The following N4BP1 variants were observed in gnomAD, a reference collection of about 807,000 sequenced individuals.
N4BP1 encodes the protein NEDD4 binding protein 1.
In N4BP1, 21 loss-of-function variants were observed where a neutral mutation model predicts 70.9. The ratio of observed to expected loss-of-function variants is 0.30; its 90% CI spans 0.21 to 0.43. The LOEUF (loss-of-function observed/expected upper bound fraction) is 0.43, where lower values mean the gene tolerates loss of function less well. Ranked by LOEUF, N4BP1 falls within the 20% of genes least tolerant of loss-of-function variation. The pLI is 1.00. For synonymous variants in N4BP1, 387 were observed against 394.6 expected, an observed-to-expected ratio of 0.98 and a Z score of 0.23; for missense variants, 936 against 1,069.4, an observed-to-expected ratio of 0.88 and a Z score of 1.74.
intron 1 of N4BP1, among the ~76,000 whole-genome samples, chr16:48,563,081 G>C (rs538850739): frequency 6.6e-6 from 1 of 152,082 alleles, no homozygotes; most frequent in East Asian, 1.9e-4. Context: ...AGATCTAACA[G>C]AACAAGTGAA....
chr16:48,592,288 T>C, intron 1 of N4BP1, among the ~76,000 whole-genome samples: 1 of 152,196 alleles, frequency 6.6e-6, no homozygotes, highest in African/African-American at 2.4e-5. Flanking sequence ...GGCAATTAAA[T>C]GCATGGTAAA....
rs1963516848 is a variant in N4BP1 at position 48,542,485 on chromosome 16, G to C, written c.*419C>G. 1 of 153,942 alleles carries C rather than the reference G, an allele frequency of 6.5e-6. No homozygotes were observed. Among genetic ancestry groups the C allele is most frequent in the South Asian group, 2.1e-4 (1 of 4,866 alleles). 9.5% of individuals were successfully genotyped at this position (153,942 alleles called of 1,614,324 possible). On this transcript the variant is annotated 3_prime_UTR_variant, in exon 7 of 7. Coordinates refer to ENST00000262384, the MANE Select transcript of N4BP1 (RefSeq NM_153029.4). ...TAGTGATGGGACATACTCATCTCAA[G>C]AAAATATACTTTAAGACGTCTTGCT...
rs1963695424 is a variant in N4BP1 at position 48,552,801 on chromosome 16, T to A, written c.2020+738A>T. ...GAGTGTATCTGCTTCATTCCTTATG[T>A]ACCCTCTGTTAAGATGAATATGCTC... On this transcript the variant is annotated intron_variant, in intron 3 of 6. Transcript: ENST00000262384. Among the ~76,000 whole-genome samples, 4 of 148,240 alleles carry A rather than the reference T, an allele frequency of 2.7e-5. No individual in the cohort carries two copies. In the South Asian group the frequency reaches 9.0e-4, roughly 33 times the overall value.
chr16:48,608,755 TAAA>T (rs561784619), intron 1 of N4BP1, among the ~76,000 whole-genome samples: 1 of 134,054 alleles, frequency 7.5e-6, no homozygotes, highest in Non-Finnish European at 1.6e-5. Flanking sequence ...AGCTGTTAAT[TAAA>T]AAAAAAAAAA....
At chr16:48,570,385 G>A (rs1387410907) in intron 1 of N4BP1, among the ~76,000 whole-genome samples, 1 of 152,138 alleles carries the variant, frequency 6.6e-6, no homozygotes, top group Non-Finnish European at 1.5e-5. Flanking sequence ...TCACTCTGTA[G>A]CCCAAGCTGG....
intron 1 of N4BP1, among the ~76,000 whole-genome samples, chr16:48,594,449 A>G (rs1964381765): frequency 6.6e-6 from 1 of 152,148 alleles, no homozygotes; most frequent in Admixed American, 6.5e-5. Flanking sequence ...CTGCCTCATG[A>G]GTTCAAGCAA....
At position 48,540,071 on chromosome 16, in the gene N4BP1, A is replaced by G. The variant is rs1169686657; in HGVS notation, c.*2833T>C. 4 of 152,348 alleles carry G rather than the reference A, an allele frequency of 2.6e-5. No individual in the cohort carries two copies. The highest frequency in any genetic ancestry group is 1.9e-4 in the East Asian group (1 of 5,198). 9.4% of individuals were successfully genotyped at this position (152,348 alleles called of 1,614,324 possible). A position where few individuals can be genotyped will look rare whatever the true frequency, so the allele number is the denominator to read the frequency against. On this transcript the variant is annotated 3_prime_UTR_variant, in exon 7 of 7. Transcript: ENST00000262384. ...GCTGTTTCAATCTAAAACATCCAAG[A>G]TAAGTGGAAACACTGGGGAGGAAGG...
At chr16:48,560,541 A>G in intron 2 of N4BP1, 3 of 527,914 alleles carry the variant, frequency 5.7e-6, no homozygotes, top group Non-Finnish European at 9.8e-6. Context: ...CTTAGAAATT[A>G]AGTTCAGCAG....
intron 1 of N4BP1, among the ~76,000 whole-genome samples, chr16:48,608,007 G>A (rs1190379791): frequency 3.3e-5 from 5 of 152,152 alleles, no homozygotes; most frequent in Non-Finnish European, 7.3e-5. Flanking sequence ...GCCTACAGGC[G>A]CGTACCACCA....
intron 1 of N4BP1, among the ~76,000 whole-genome samples, chr16:48,583,444 TAC>T (rs1964201170): frequency 6.6e-6 from 1 of 152,174 alleles, no homozygotes; most frequent in Non-Finnish European, 1.5e-5. Flanking sequence ...GACACAAGAT[TAC>T]AGTTAGATAG....
At chr16:48,565,702 T>A (rs1963932525) in intron 1 of N4BP1, among the ~76,000 whole-genome samples, 1 of 152,150 alleles carries the variant, frequency 6.6e-6, no homozygotes, top group Non-Finnish European at 1.5e-5. Flanking sequence ...GTAGAATTGA[T>A]GTTCATTCTT....
chr16:48,605,453 G>A (rs1296391654), intron 1 of N4BP1, among the ~76,000 whole-genome samples: 2 of 152,096 alleles, frequency 1.3e-5, no homozygotes, highest in African/African-American at 4.8e-5. Context: ...CTCTATTTGC[G>A]AATGAGGCAA....
At chr16:48,579,109 T>C (rs1226161637) in intron 1 of N4BP1, among the ~76,000 whole-genome samples, 3 of 152,090 alleles carry the variant, frequency 2.0e-5, no homozygotes, top group South Asian at 4.1e-4. Context: ...CTACTAAATA[T>C]CCTACAATAC....
In N4BP1 at chr16:48,609,767, G is replaced by T; in HGVS notation, c.198+8C>A. 2 of 1,374,396 alleles carry T rather than the reference G, an allele frequency of 1.5e-6. No individual in the cohort carries two copies. The highest frequency in any genetic ancestry group is 1.9e-6 in the Non-Finnish European group (2 of 1,065,166). 85.1% of individuals were successfully genotyped at this position (1,374,396 alleles called of 1,614,324 possible). On this transcript the variant is annotated splice_region_variant and intron_variant, in intron 1 of 6. Transcript: ENST00000262384. ...CCGCGGGCGCGCGGGGGCGGCGGCC[G>T]GACTCACCTTGGCGCTGTGCACCGC...
At chr16:48,556,774 T>C (rs1963760770) in intron 2 of N4BP1, among the ~76,000 whole-genome samples, 1 of 152,140 alleles carries the variant, frequency 6.6e-6, no homozygotes, top group African/African-American at 2.4e-5. Flanking sequence ...CTTTCTGAGT[T>C]ACCCAGGAAA....
At chr16:48,555,355 C>T (rs1250188401) in intron 2 of N4BP1, among the ~76,000 whole-genome samples, 2 of 152,222 alleles carry the variant, frequency 1.3e-5, no homozygotes, top group Non-Finnish European at 2.9e-5. Flanking sequence ...CTTTCCACGA[C>T]CCCACAGTGG....
chr16:48,579,772 G>C (rs1032352032), intron 1 of N4BP1, among the ~76,000 whole-genome samples: 2 of 151,906 alleles, frequency 1.3e-5, no homozygotes, highest in African/African-American at 2.4e-5. Flanking sequence ...ATGGAAAAAG[G>C]TATTTCATGT....
intron 3 of N4BP1, among the ~76,000 whole-genome samples, chr16:48,552,699 GAAAAAAAAAAAA>G (rs71134556): frequency 0.01 from 191 of 18,462 alleles, 2 homozygotes; most frequent in African/African-American, 0.021. Flanking sequence ...CTCCGTCTCA[GAAAAAAAAAAAA>G]AAAAAAAAAA....
chr16:48,569,099 A>G (rs189503486), intron 1 of N4BP1, among the ~76,000 whole-genome samples: 2 of 152,294 alleles, frequency 1.3e-5, no homozygotes, highest in Admixed American at 6.5e-5. Context: ...TGCCGGTTGA[A>G]TATTTCAGTC....
Sources: allele counts gnomAD v4.1 joint callset (sites outside exome capture counted in the v4.1 genomes callset), GRCh38; gene constraint gnomAD v4.1.1; transcripts MANE v1.5; gene names NCBI Gene and HGNC (gene_info 2026-07-23, HGNC 2026-07-21).